The following PTPRT variants were observed in gnomAD, a reference collection of about 807,000 sequenced individuals.
PTPRT encodes protein tyrosine phosphatase receptor type T.
PTPRT carries 56 observed loss-of-function variants against 176.8 expected under a neutral mutation model. The ratio of observed to expected loss-of-function variants is 0.32; its 90% CI spans 0.26 to 0.40. PTPRT has a LOEUF of 0.40. Among genes scored for constraint, PTPRT ranks in the 10% least tolerant of loss-of-function variants. PTPRT has a pLI of 1.00. For synonymous variants in PTPRT, 783 were observed against 739.0 expected (o/e 1.06, Z -0.96); for missense variants, 1,540 against 1,908.2 (o/e 0.81, Z 3.60).
At chr20:42,710,939 G>A (rs2076135592) in intron 6 of PTPRT, among the ~76,000 whole-genome samples, 1 of 152,246 alleles carries the variant, frequency 6.6e-6, no homozygotes, top group Non-Finnish European at 1.5e-5. Context: ...TAGAGTCAAA[G>A]GAGGTTGTTT....
intron 8 of PTPRT, among the ~76,000 whole-genome samples, chr20:42,461,537 A>T (rs182990960): frequency 6.6e-6 from 1 of 152,260 alleles, no homozygotes; most frequent in Admixed American, 6.5e-5. Context: ...CCTATCTTTA[A>T]AACAAAAACA....
chr20:42,587,845 C>G (rs1341040274), intron 7 of PTPRT, among the ~76,000 whole-genome samples: 2 of 152,130 alleles, frequency 1.3e-5, no homozygotes, highest in Admixed American at 6.5e-5. Flanking sequence ...TCCCACAGAC[C>G]TGAGTTCAAA....
chr20:42,126,029 G>T lies in PTPRT; in HGVS notation c.2847+2725C>A, dbSNP rs559661290. 1.2e-3 allele frequency among the ~76,000 whole-genome samples: 187 copies of T among 151,542 alleles called. 2 individuals carry two copies. The Middle Eastern group carries it at 0.017, about 14-fold the overall frequency. On this transcript the variant is annotated intron_variant, in intron 19 of 30. Coordinates refer to ENST00000373187, the MANE Select transcript of PTPRT (RefSeq NM_007050.6). ...CTACAAGGCGGTGTCTGGGAGTGGG[G>T]GGGGGGAGGGGAAGGAGAAAGAGTG...
intron 8 of PTPRT, 68 bp from the exon 9 acceptor site, chr20:42,448,397 G>A: frequency 2.4e-6 from 3 of 1,243,460 alleles, no homozygotes; most frequent in Non-Finnish European, 3.6e-6. Context: ...CGCTGACCTA[G>A]AACAGGGGTT....
chr20:43,166,858 C>G (rs917953485), intron 1 of PTPRT, among the ~76,000 whole-genome samples: 1 of 152,140 alleles, frequency 6.6e-6, no homozygotes, highest in East Asian at 1.9e-4. Flanking sequence ...GTGGTTTCTC[C>G]CTTCCCATCA....
At chr20:42,157,235 A>G (rs189554284) in intron 17 of PTPRT, among the ~76,000 whole-genome samples, 5 of 152,058 alleles carry the variant, frequency 3.3e-5, no homozygotes, top group Admixed American at 2.6e-4. Context: ...CCTTTTTACT[A>G]TTGGAACCTC....
At chr20:42,966,167 T>G (rs1982282359) in intron 1 of PTPRT, 3 of 152,216 alleles carry the variant, frequency 2.0e-5, no homozygotes, top group Admixed American at 2.0e-4. Flanking sequence ...TCGGGTCGTT[T>G]GAACCTTTCG....
intron 2 of PTPRT, among the ~76,000 whole-genome samples, chr20:42,859,670 G>A (rs1183625112): frequency 5.4e-5 from 8 of 146,870 alleles, no homozygotes; most frequent in South Asian, 2.1e-4. Flanking sequence ...TGCAAGCTCC[G>A]CCTCCCAGGT....
intron 11 of PTPRT, among the ~76,000 whole-genome samples, chr20:42,318,110 A>G (rs1258769685): frequency 6.6e-6 from 1 of 152,238 alleles, no homozygotes; most frequent in East Asian, 1.9e-4. Flanking sequence ...AGAAGGTGTT[A>G]ACAATCCAAA....
chr20:42,641,933 C>G (rs1483253280), intron 7 of PTPRT, among the ~76,000 whole-genome samples: 3 of 152,144 alleles, frequency 2.0e-5, no homozygotes, highest in Non-Finnish European at 4.4e-5. Flanking sequence ...GTGCCCTCTT[C>G]CAAGAGGACC....
At chr20:42,986,471 G>A (rs1242475881) in intron 1 of PTPRT, among the ~76,000 whole-genome samples, 1 of 152,198 alleles carries the variant, frequency 6.6e-6, no homozygotes, top group Non-Finnish European at 1.5e-5. Flanking sequence ...CCCCTCTGCA[G>A]CATCCTGTGG....
chr20:42,927,876 T>A (rs971716316), intron 1 of PTPRT, among the ~76,000 whole-genome samples: 8 of 152,222 alleles, frequency 5.3e-5, no homozygotes, highest in African/African-American at 1.9e-4. Context: ...TAGACCACTA[T>A]GTATTATTTC....
chr20:42,276,162 C>T (rs114594749), intron 13 of PTPRT, among the ~76,000 whole-genome samples: 3,071 of 152,008 alleles, frequency 0.02, 116 homozygotes, highest in African/African-American at 0.07. Flanking sequence ...GTGTCATAGT[C>T]AAGGCTAGAA....
chr20:42,097,607 G>C (rs186832889), intron 27 of PTPRT, among the ~76,000 whole-genome samples: 1 of 152,340 alleles, frequency 6.6e-6, no homozygotes, highest in East Asian at 1.9e-4. Context: ...TCTGGAGCAA[G>C]ACCATGCGCT....
At chr20:42,942,148 C>G (rs1463798913) in intron 1 of PTPRT, among the ~76,000 whole-genome samples, 1 of 152,172 alleles carries the variant, frequency 6.6e-6, no homozygotes, top group Admixed American at 6.5e-5. Context: ...GTGAAGTCCA[C>G]TGATAGAAAC....
chr20:42,401,862 T>C (rs559599066), intron 9 of PTPRT, among the ~76,000 whole-genome samples: 2 of 152,324 alleles, frequency 1.3e-5, no homozygotes, highest in African/African-American at 4.8e-5. Context: ...TGTTACATTG[T>C]AAGATGTTAT....
intron 2 of PTPRT, among the ~76,000 whole-genome samples, chr20:42,884,717 T>C (rs1419818543): frequency 6.6e-6 from 1 of 152,058 alleles, no homozygotes; most frequent in Non-Finnish European, 1.5e-5. Context: ...ACCTGGGGGA[T>C]TGGTGAAAAC....
chr20:42,200,059 A>AC (rs1991388440), intron 15 of PTPRT, among the ~76,000 whole-genome samples: 3 of 89,620 alleles, frequency 3.3e-5, no homozygotes, highest in African/African-American at 1.3e-4. Context: ...GTCACAAAAA[A>AC]ATACACACAC....
chr20:42,160,420 C>T (rs933177137), intron 17 of PTPRT, among the ~76,000 whole-genome samples: 1 of 150,298 alleles, frequency 6.7e-6, no homozygotes, highest in Admixed American at 6.7e-5. Flanking sequence ...GTTTGTAAAA[C>T]GTGAGGCCTA....
Sources: allele counts gnomAD v4.1 joint callset (sites outside exome capture counted in the v4.1 genomes callset), GRCh38; gene constraint gnomAD v4.1.1; transcripts MANE v1.5; gene names NCBI Gene and HGNC (gene_info 2026-07-23, HGNC 2026-07-21).